The following CD86 variants were observed in gnomAD, a reference collection of about 807,000 sequenced individuals.
CD86 encodes the protein T-lymphocyte activation antigen CD86.
Under a neutral mutation model 32.1 loss-of-function variants are expected in CD86, and 11 were observed. The observed-to-expected ratio is 0.34, with a 90% CI of 0.22 to 0.57. The LOEUF (loss-of-function observed/expected upper bound fraction) is 0.57. CD86 is among the 20% of genes least tolerant of loss of function. CD86 has a pLI of 0.86. For missense variants in CD86, 359 were observed against 398.4 expected (o/e 0.90, Z 0.84); for synonymous variants, 137 against 135.3 (o/e 1.01, Z -0.09).
chr3:122,101,901 C>G (rs2073016116), intron 2 of CD86, among the ~76,000 whole-genome samples: 1 of 152,040 alleles, frequency 6.6e-6, no homozygotes, highest in Non-Finnish European at 1.5e-5. Context: ...TTTCCTTCCT[C>G]CCTCCAATAC....
intron 1 of CD86, among the ~76,000 whole-genome samples, chr3:122,082,386 G>A (rs1346956191): frequency 1.3e-5 from 2 of 152,056 alleles, no homozygotes; most frequent in African/African-American, 2.4e-5. Context: ...TCTTCTTCAG[G>A]TTCATTACCC....
Position 122,103,863 on chromosome 3 carries a change from T to TCA in CD86, c.400+16_400+17insCA. On this transcript the variant is annotated intron_variant, in intron 3 of 6. Transcript: ENST00000330540. The stretch of plus-strand genomic sequence containing the variant: ...TCAGTGCTTGGTATGTGGTCAATGG[T>TCA]GTGTGTTCAGATTCTTAGCCTTCTC... The TCA allele has an allele frequency of 6.3e-7, 1 of 1,591,718 alleles. No homozygotes were observed. Among genetic ancestry groups the TCA allele is most frequent in the East Asian group, 2.2e-5 (1 of 44,712 alleles).
chr3:122,106,384 T>G lies in CD86; in HGVS notation c.587T>G (p.Leu196Arg), dbSNP rs2073092316. Residue 196 changes from leucine to arginine, a missense_variant, in exon 4 of 7, where the codon CTG becomes CGG. Coordinates refer to ENST00000330540, the MANE Select transcript of CD86 (RefSeq NM_175862.5). ...MQKSQDNVTELYDVSISLSVS... is the reference protein window; with the variant it reads ...MQKSQDNVTERYDVSISLSVS... ...AAATCTCAAGATAATGTCACAGAAC[T>G]GTACGACGTTTCCATCAGCTTGTCT... The G allele has an allele frequency of 6.2e-7, 1 of 1,614,112 alleles. No individual in the cohort carries two copies. Among genetic ancestry groups the G allele is most frequent in the East Asian group, 2.2e-5 (1 of 44,878 alleles).
intron 2 of CD86, among the ~76,000 whole-genome samples, chr3:122,102,664 T>C (rs1254258025): frequency 2.0e-5 from 3 of 152,094 alleles, no homozygotes; most frequent in Non-Finnish European, 4.4e-5. Context: ...TCCCCAATAC[T>C]CCCAAAGCAC....
At chr3:122,095,652 C>G (rs1191703898) in intron 2 of CD86, among the ~76,000 whole-genome samples, 1 of 152,180 alleles carries the variant, frequency 6.6e-6, no homozygotes, top group Non-Finnish European at 1.5e-5. Context: ...GGTGAATAGA[C>G]AGTCGAGACC....
At position 122,119,526 on chromosome 3, in the gene CD86, T is replaced by C. The variant is rs1182398109; in HGVS notation, c.982T>C (p.Cys328Arg). ...ATCTTCATGCGACAAAAGTGATACA[T>C]GTTTTTAATTAAAGAGTAAAGCCCA... Reference protein sequence around the residue: ...KTSSCDKSDTCF With the variant: ...KTSSCDKSDTRF Residue 328 changes from cysteine to arginine, a missense_variant, in exon 7 of 7, where the codon TGT becomes CGT. Cys to Arg is a radical substitution (Grantham distance 180). Coordinates refer to ENST00000330540, the MANE Select transcript of CD86 (RefSeq NM_175862.5). 7.6e-6 allele frequency: 12 copies of C among 1,584,774 alleles called. No homozygotes were observed. Among genetic ancestry groups the C allele is most frequent in the South Asian group, 1.1e-5 (1 of 90,362 alleles).
intron 1 of CD86, among the ~76,000 whole-genome samples, chr3:122,084,688 C>T (rs1192169676): frequency 6.6e-6 from 1 of 152,046 alleles, no homozygotes; most frequent in Non-Finnish European, 1.5e-5. Context: ...CGTGGTGGCT[C>T]AGAACTCCAG....
Position 122,106,264 on chromosome 3 carries a change from C to T in CD86, c.467C>T (p.Thr156Ile). The T allele has an allele frequency of 6.2e-7, 1 of 1,613,076 alleles. No homozygotes were observed. The highest frequency in any genetic ancestry group is 2.2e-5 in the East Asian group (1 of 44,860). The change falls in exon 4 of 7, where the codon ACC (threonine) becomes ATC (isoleucine). Residue 156 changes from threonine (T) to isoleucine (I), a missense_variant. Thr to Ile is a moderately conservative substitution (Grantham distance 89, BLOSUM62 -1). Coordinates refer to ENST00000330540, the MANE Select transcript of CD86 (RefSeq NM_175862.5). ...ACAGAAAATGTGTACATAAATTTGA[C>T]CTGCTCATCTATACACGGTTACCCA... ...NITENVYINL[T>I]CSSIHGYPEP... is the part of the protein sequence containing the mutation.
intron 1 of CD86, among the ~76,000 whole-genome samples, chr3:122,084,567 A>G (rs77443769): frequency 3.3e-5 from 5 of 152,146 alleles, no homozygotes; most frequent in African/African-American, 1.2e-4. Flanking sequence ...GATTTTATTC[A>G]TATGTCTGGT....
chr3:122,070,834 G>A (rs2072479020), intron 1 of CD86, among the ~76,000 whole-genome samples: 1 of 152,116 alleles, frequency 6.6e-6, no homozygotes, highest in Admixed American at 6.5e-5. Flanking sequence ...GTGAACATGT[G>A]GACTGTGAAA....
chr3:122,072,880 T>A (rs2072508102), intron 1 of CD86, among the ~76,000 whole-genome samples: 1 of 152,090 alleles, frequency 6.6e-6, no homozygotes, highest in African/African-American at 2.4e-5. Context: ...TGTTTAAGTC[T>A]TTAATCCATC....
chr3:122,087,855 G>A (rs904463108), intron 1 of CD86, among the ~76,000 whole-genome samples: 1 of 152,152 alleles, frequency 6.6e-6, no homozygotes, highest in Non-Finnish European at 1.5e-5. Context: ...AGGAGAAGCA[G>A]CTTCTAACCC....
chr3:122,106,681 A>G (rs2107541938), intron 4 of CD86, among the ~76,000 whole-genome samples, 181 bp downstream of exon 4: 1 of 152,296 alleles, frequency 6.6e-6, no homozygotes, highest in African/African-American at 2.4e-5. Flanking sequence ...CCAGGAGGCT[A>G]CGAGCCTATG....
chr3:122,116,623 G>T (rs1385475935), intron 5 of CD86, among the ~76,000 whole-genome samples: 1 of 151,606 alleles, frequency 6.6e-6, no homozygotes, highest in African/African-American at 2.4e-5. Flanking sequence ...GTTCATAGCA[G>T]CTTGCTTCAT....
rs2072644037 is a variant in CD86 at position 122,082,186 on chromosome 3, T to C, written c.15-9415T>C. On this transcript the variant is annotated intron_variant, in intron 1 of 6. Coordinates refer to ENST00000330540, the MANE Select transcript of CD86 (RefSeq NM_175862.5). ...AATAGTACTTGTGACAGGGAGCTTA[T>C]CACCTCACAAGAAAATCCAGTCATT... Among the ~76,000 whole-genome samples the C allele has an allele frequency of 3.3e-5, 5 of 152,294 alleles. No homozygotes were observed. The South Asian group carries it at 1.0e-3, about 32-fold the overall frequency.
chr3:122,088,431 C>A (rs767703141), intron 1 of CD86, among the ~76,000 whole-genome samples: 3 of 152,066 alleles, frequency 2.0e-5, no homozygotes, highest in African/African-American at 4.8e-5. Context: ...TGACTAGTTG[C>A]AAATATTTTC....
intron 1 of CD86, among the ~76,000 whole-genome samples, chr3:122,089,152 G>A (rs1299220470): frequency 2.0e-5 from 3 of 152,198 alleles, no homozygotes; most frequent in Non-Finnish European, 4.4e-5. Flanking sequence ...TGGAATGGTG[G>A]TTGGCAAGAG....
chr3:122,063,155 G>T (rs2072363454), intron 1 of CD86, among the ~76,000 whole-genome samples: 1 of 151,946 alleles, frequency 6.6e-6, no homozygotes, highest in Non-Finnish European at 1.5e-5. Context: ...TTTCTTTTTC[G>T]CTTTCTGGAC....
chr3:122,084,080 A>G (rs903664851), intron 1 of CD86, among the ~76,000 whole-genome samples: 1 of 152,094 alleles, frequency 6.6e-6, no homozygotes, highest in African/African-American at 2.4e-5. Context: ...TCTGCCTCCC[A>G]GGTTCAAGTG....
Sources: gnomAD v4.1 joint callset for allele counts (sites outside exome capture counted in the v4.1 genomes callset) on GRCh38, gnomAD v4.1.1 for gene constraint, MANE v1.5 for transcripts, NCBI Gene and HGNC (gene_info 2026-07-23, HGNC 2026-07-21) for gene names.